The following COL13A1 variants were observed in gnomAD, a reference collection of about 807,000 sequenced individuals.
COL13A1 encodes the protein collagen alpha-1(XIII) chain.
COL13A1 carries 89 observed loss-of-function variants against 130.9 expected under a neutral mutation model. The ratio of observed to expected loss-of-function variants is 0.68; its 90% CI spans 0.57 to 0.81. The LOEUF is 0.81. COL13A1 is among the 30% of genes least tolerant of loss of function. The pLI, the probability that COL13A1 is intolerant of heterozygous loss-of-function variation, is 0.00. For synonymous variants in COL13A1, 402 were observed against 341.6 expected (o/e 1.18, Z -1.95); for missense variants, 879 against 934.6 (o/e 0.94, Z 0.78).
chr10:69,883,193 G>C (rs1010521042), intron 7 of COL13A1, among the ~76,000 whole-genome samples: 2 of 152,194 alleles, frequency 1.3e-5, no homozygotes, highest in East Asian at 3.9e-4. Context: ...GGAATACAGT[G>C]TTGGGGCACG....
rs1844420996 is a variant in COL13A1 at position 69,816,097 on chromosome 10, T to C, written c.295-6272T>C. 1.3e-5 allele frequency among the ~76,000 whole-genome samples: 2 copies of C among 151,142 alleles called. 1 individual carries two copies. Among genetic ancestry groups the C allele is most frequent in the South Asian group, 4.3e-4 (2 of 4,702 alleles). ...ATGAGAGCTTCAGAGGCCTGTGTGA[T>C]TACCCTGGCTGCCGTGTTGAGAAAG... On this transcript the variant is annotated intron_variant, in intron 1 of 40. Transcript: ENST00000645393.
intron 1 of COL13A1, among the ~76,000 whole-genome samples, chr10:69,818,299 G>A (rs950019029): frequency 6.6e-6 from 1 of 152,150 alleles, no homozygotes; most frequent in East Asian, 1.9e-4. Flanking sequence ...CTCCAGAGAG[G>A]ACCTCAGCCC....
At chr10:69,870,924 C>T (rs1269778901) in intron 3 of COL13A1, among the ~76,000 whole-genome samples, 1 of 151,856 alleles carries the variant, frequency 6.6e-6, no homozygotes, top group Non-Finnish European at 1.5e-5. Context: ...CACAGTTTTT[C>T]CTGAGAATGG....
chr10:69,814,518 C>T (rs1843925153), intron 1 of COL13A1, among the ~76,000 whole-genome samples: 1 of 152,230 alleles, frequency 6.6e-6, no homozygotes, highest in African/African-American at 2.4e-5. Flanking sequence ...CAGGTGCTCA[C>T]CCTCCTCACA....
chr10:69,888,703 A>C (rs954680127), intron 9 of COL13A1, among the ~76,000 whole-genome samples: 2 of 152,000 alleles, frequency 1.3e-5, no homozygotes, highest in African/African-American at 4.8e-5. Context: ...GCTCCCCAGC[A>C]CCTGTGTCTC....
chr10:69,888,339 AC>A lies in COL13A1; in HGVS notation c.576+12del. The A allele has an allele frequency of 1.2e-6, 2 of 1,611,938 alleles. No homozygotes were observed. The highest frequency in any genetic ancestry group is 1.7e-6 in the Non-Finnish European group (2 of 1,179,116). On this transcript the variant is annotated intron_variant, in intron 9 of 40. Coordinates refer to ENST00000645393, the MANE Select transcript of COL13A1 (RefSeq NM_001368882.1). ...GGCTGGACGGCAAACCGGTAAGTGG[AC>A]CCGCTCTCTCCCCTCACTGCAGGTC...
chr10:69,828,422 A>T (rs960078468), intron 2 of COL13A1, among the ~76,000 whole-genome samples: 1 of 151,050 alleles, frequency 6.6e-6, no homozygotes, highest in African/African-American at 2.4e-5. Flanking sequence ...TGTCAACTCC[A>T]CTCCTCTGCT....
chr10:69,857,098 C>T (rs939237493), intron 2 of COL13A1, among the ~76,000 whole-genome samples: 3 of 152,166 alleles, frequency 2.0e-5, no homozygotes, highest in African/African-American at 7.2e-5. Flanking sequence ...GAGAACAGTG[C>T]CTGCCCTTGG....
At chr10:69,840,356 C>T (rs908200356) in intron 2 of COL13A1, among the ~76,000 whole-genome samples, 3 of 152,208 alleles carry the variant, frequency 2.0e-5, no homozygotes, top group Admixed American at 6.5e-5. Context: ...TGTCCCCCAG[C>T]GTGGAGTCCA....
intron 8 of COL13A1, 24 bp downstream of exon 8, chr10:69,887,515 G>T: frequency 6.2e-7 from 1 of 1,613,432 alleles, no homozygotes. Flanking sequence ...GCTGAAGTTA[G>T]CTGTGTCCCA....
At chr10:69,904,797 G>T in intron 15 of COL13A1, 136 bp from the exon 16 acceptor site, 1 of 888,874 alleles carries the variant, frequency 1.1e-6, no homozygotes, top group Non-Finnish European at 1.7e-6. Context: ...AGAGCTGTTG[G>T]CTATAGCATG....
chr10:69,856,167 C>T (rs3957150), intron 2 of COL13A1, among the ~76,000 whole-genome samples: 45,208 of 152,136 alleles, frequency 0.3, 7,024 homozygotes, highest in East Asian at 0.35. Flanking sequence ...AAATTAGTAG[C>T]AGCATTTAGA....
intron 39 of COL13A1, chr10:69,955,035 C>G (rs938136553): frequency 1.3e-5 from 2 of 152,226 alleles, no homozygotes; most frequent in Non-Finnish European, 2.9e-5. Context: ...CCAAATTTCC[C>G]CAATAGGTTT....
chr10:69,807,295 G>C (rs1841852541), intron 1 of COL13A1, among the ~76,000 whole-genome samples: 1 of 152,168 alleles, frequency 6.6e-6, no homozygotes, highest in Non-Finnish European at 1.5e-5. Context: ...TGATGTCACT[G>C]TACCTCCCTC....
intron 13 of COL13A1, 125 bp downstream of exon 13, chr10:69,895,701 T>G: frequency 9.7e-7 from 1 of 1,029,596 alleles, no homozygotes; most frequent in Non-Finnish European, 1.5e-6. Context: ...GAGCACCCAC[T>G]GCCCTCTGCA....
intron 17 of COL13A1, among the ~76,000 whole-genome samples, chr10:69,911,716 C>G (rs1197233527): frequency 6.6e-6 from 1 of 152,272 alleles, no homozygotes; most frequent in Non-Finnish European, 1.5e-5. Flanking sequence ...TCTGCAGAGT[C>G]TGCAGCAGAG....
At chr10:69,823,785 T>C (rs1318417748) in intron 2 of COL13A1, among the ~76,000 whole-genome samples, 1 of 152,104 alleles carries the variant, frequency 6.6e-6, no homozygotes, top group Non-Finnish European at 1.5e-5. Context: ...CCAGAAGCCC[T>C]GGGAAGCTCC....
intron 1 of COL13A1, among the ~76,000 whole-genome samples, chr10:69,814,284 C>T (rs1843843802): frequency 6.6e-6 from 1 of 152,242 alleles, no homozygotes; most frequent in Non-Finnish European, 1.5e-5. Flanking sequence ...CCTCCTCACT[C>T]ACCCTCCCTT....
rs750247267 is a variant in COL13A1 at position 69,945,790 on chromosome 10, C to T, written c.2022+66C>T. 1.9e-4 allele frequency: 294 copies of T among 1,559,766 alleles called. 1 individual carries two copies. Among genetic ancestry groups the T allele is most frequent in the South Asian group, 2.4e-4 (20 of 84,978 alleles). On this transcript the variant is annotated intron_variant, in intron 37 of 40. Transcript: ENST00000645393. ...TGCCCCCATTAGAAATACCCACGGCCGGCCGGGCATGGTGGCTCACACCTG... is the reference window on the plus strand; with the variant it reads ...TGCCCCCATTAGAAATACCCACGGCTGGCCGGGCATGGTGGCTCACACCTG...
Sources: gnomAD v4.1 joint callset for allele counts (sites outside exome capture counted in the v4.1 genomes callset) on GRCh38, gnomAD v4.1.1 for gene constraint, MANE v1.5 for transcripts, NCBI Gene and HGNC (gene_info 2026-07-23, HGNC 2026-07-21) for gene names.